The following XPR1 variants were observed in gnomAD, a reference collection of about 807,000 sequenced individuals.
XPR1 encodes solute carrier family 53 member 1.
A neutral mutation model predicts 87.5 loss-of-function variants in XPR1; 28 were observed. The observed-to-expected ratio is 0.32, with a 90% CI of 0.24 to 0.44. XPR1 has a LOEUF of 0.44. Among genes scored for constraint, XPR1 ranks in the 20% least tolerant of loss-of-function variants. XPR1 has a pLI of 1.00. For missense variants in XPR1, 559 were observed against 862.3 expected (o/e 0.65, Z 4.41); for synonymous variants, 300 against 306.1 (o/e 0.98, Z 0.21).
chr1:180,851,335 T>A (rs988145533), intron 11 of XPR1, among the ~76,000 whole-genome samples: 1 of 152,128 alleles, frequency 6.6e-6, no homozygotes, highest in African/African-American at 2.4e-5. Context: ...CAAAATTTGC[T>A]TTTTCTACTG....
At chr1:180,734,612 A>G (rs2102015160) in intron 2 of XPR1, among the ~76,000 whole-genome samples, 1 of 152,308 alleles carries the variant, frequency 6.6e-6, no homozygotes. Context: ...GGGAGGGGCC[A>G]TTTCTGTGTG....
At chr1:180,736,845 C>T (rs1439469786) in intron 2 of XPR1, among the ~76,000 whole-genome samples, 1 of 152,068 alleles carries the variant, frequency 6.6e-6, no homozygotes, top group East Asian at 1.9e-4. Context: ...CGCAGATTTA[C>T]CCCCAAGGCT....
Position 180,749,427 on chromosome 1 carries a change from C to T in XPR1, c.122-38326C>T, listed in dbSNP as rs183578066. ...CACTTTCTTCTTTTTTTAATGTAAA[C>T]GAAAATATCAGACATTCAGATTGGA... On this transcript the variant is annotated intron_variant, in intron 2 of 14. Coordinates refer to ENST00000367590, the MANE Select transcript of XPR1 (RefSeq NM_004736.4). Among the ~76,000 whole-genome samples, 11 of 151,648 alleles carry T rather than the reference C, an allele frequency of 7.3e-5. No homozygotes were observed. In the East Asian group the frequency reaches 7.7e-4, roughly 11 times the overall value.
At chr1:180,761,424 G>GA (rs1648025876) in intron 2 of XPR1, among the ~76,000 whole-genome samples, 1 of 151,966 alleles carries the variant, frequency 6.6e-6, no homozygotes, top group African/African-American at 2.4e-5. Flanking sequence ...AAATTTACAA[G>GA]AAAAAAACAA....
At chr1:180,762,281 TAAAA>T (rs57759788) in intron 2 of XPR1, among the ~76,000 whole-genome samples, 8 of 151,614 alleles carry the variant, frequency 5.3e-5, no homozygotes, top group East Asian at 1.9e-4. Flanking sequence ...TAATAATAAA[TAAAA>T]AGAAAGGTAA....
rs143320476 is a variant in XPR1 at position 180,853,626 on chromosome 1, G to GACACACAC, written c.1502-10047_1502-10040dup. ...TTGGGTATTTTGTTATTAGACTATA[G>GACACACAC]ACACACACACACACACACACACACA... On this transcript the variant is annotated intron_variant, in intron 11 of 14. Coordinates refer to ENST00000367590, the MANE Select transcript of XPR1 (RefSeq NM_004736.4). Among the ~76,000 whole-genome samples the GACACACAC allele has an allele frequency of 5.7e-3, 797 of 140,328 alleles. 3 individuals are homozygous for GACACACAC. The highest frequency in any genetic ancestry group is 7.4e-3 in the South Asian group (31 of 4,192). 92.1% of individuals were successfully genotyped at this position (140,328 alleles called of 152,430 possible). A position where few individuals can be genotyped will look rare whatever the true frequency, so the allele number is the denominator to read the frequency against.
intron 1 of XPR1, among the ~76,000 whole-genome samples, chr1:180,647,563 A>G (rs1655158655): frequency 6.6e-6 from 1 of 152,118 alleles, no homozygotes; most frequent in African/African-American, 2.4e-5. Flanking sequence ...GTTCTAAGGA[A>G]AGCAGCCTTG....
Position 180,873,798 on chromosome 1 carries a change from C to A in XPR1, c.1669-5C>A. ...AACATACTCAATTTCTTTATTATTT[C>A]TCAGGCCTACTACTACTGTGCCATA... On this transcript the variant is annotated splice_region_variant and splice_polypyrimidine_tract_variant and intron_variant, in intron 12 of 14. Transcript: ENST00000367590. 1 of 1,609,120 alleles carries A rather than the reference C, an allele frequency of 6.2e-7. No homozygotes were observed. Among genetic ancestry groups the A allele is most frequent in the South Asian group, 1.1e-5 (1 of 89,702 alleles).
intron 1 of XPR1, among the ~76,000 whole-genome samples, chr1:180,646,526 G>A (rs1475549215): frequency 6.6e-6 from 1 of 152,146 alleles, no homozygotes; most frequent in Non-Finnish European, 1.5e-5. Context: ...CTGGCTTGGA[G>A]AATATGAATC....
At chr1:180,853,509 G>A (rs1341607800) in intron 11 of XPR1, among the ~76,000 whole-genome samples, 1 of 151,922 alleles carries the variant, frequency 6.6e-6, no homozygotes, top group Middle Eastern at 3.2e-3. Context: ...TATCATCTCA[G>A]TTTTGACATC....
At chr1:180,829,762 C>T (rs1650990410) in intron 9 of XPR1, among the ~76,000 whole-genome samples, 1 of 151,928 alleles carries the variant, frequency 6.6e-6, no homozygotes, top group African/African-American at 2.4e-5. Context: ...ATAACATTTA[C>T]TACTCCCTTC....
chr1:180,708,301 T>C (rs141024094), intron 2 of XPR1, among the ~76,000 whole-genome samples: 1 of 152,292 alleles, frequency 6.6e-6, no homozygotes, highest in Non-Finnish European at 1.5e-5. Flanking sequence ...AGAAGTATGT[T>C]CAATTTCCTG....
At chr1:180,853,660 CACACACA>C (rs2102193588) in intron 11 of XPR1, among the ~76,000 whole-genome samples, 1 of 151,908 alleles carries the variant, frequency 6.6e-6, no homozygotes, top group East Asian at 1.9e-4. Flanking sequence ...CACACACACA[CACACACA>C]CCCTACCTCT....
intron 1 of XPR1, among the ~76,000 whole-genome samples, chr1:180,656,485 A>AATATATATATATTATAT (rs1655502019): frequency 1.7e-4 from 8 of 46,004 alleles, no homozygotes; most frequent in African/African-American, 1.0e-3. Context: ...CATTATATAT[A>AATATATATATATTATAT]ATATTTATAT....
chr1:180,737,437 A>G (rs77095727), intron 2 of XPR1, among the ~76,000 whole-genome samples: 3,099 of 152,266 alleles, frequency 0.02, 107 homozygotes, highest in African/African-American at 0.071. Flanking sequence ...TTGAAATAGT[A>G]ATCATATAAA....
At chr1:180,810,377 T>G (rs1334083319) in intron 6 of XPR1, among the ~76,000 whole-genome samples, 3 of 151,994 alleles carry the variant, frequency 2.0e-5, no homozygotes, top group Non-Finnish European at 2.9e-5. Context: ...GCCCAGGAGT[T>G]CAAGACCAGC....
At chr1:180,825,126 A>G (rs748575561) in intron 8 of XPR1, 39 bp from the exon 9 acceptor site, 21 of 1,552,686 alleles carry the variant, frequency 1.4e-5, no homozygotes, top group Middle Eastern at 1.7e-4. Flanking sequence ...AAAAATAACA[A>G]TTTTTCTCTA....
At chr1:180,862,053 G>A (rs781703083) in intron 11 of XPR1, among the ~76,000 whole-genome samples, 40 of 152,202 alleles carry the variant, frequency 2.6e-4, no homozygotes, top group Non-Finnish European at 4.7e-4. Context: ...ATAAAGTTAT[G>A]TAAGTTAATT....
chr1:180,883,923 G>T, intron 14 of XPR1, 83 bp from the exon 15 acceptor site: 1 of 1,234,454 alleles, frequency 8.1e-7, no homozygotes, highest in Admixed American at 1.8e-5. Flanking sequence ...ATGATGGTAA[G>T]ACTGGAAATG....
Sources: allele counts gnomAD v4.1 joint callset (sites outside exome capture counted in the v4.1 genomes callset), GRCh38; gene constraint gnomAD v4.1.1; transcripts MANE v1.5; gene names NCBI Gene and HGNC (gene_info 2026-07-23, HGNC 2026-07-21).